The following CDH13 variants were observed in gnomAD, a reference collection of about 807,000 sequenced individuals.
CDH13 encodes cadherin 13.
In CDH13, 24 loss-of-function variants were observed where a neutral mutation model predicts 63.8. The observed-to-expected ratio is 0.38, with a 90% CI of 0.27 to 0.53. The LOEUF (loss-of-function observed/expected upper bound fraction) is 0.53. CDH13 is among the 20% of genes least tolerant of loss of function. CDH13 has a pLI of 0.85. For missense variants in CDH13, 1,049 were observed against 903.1 expected (o/e 1.16, Z -2.07); for synonymous variants, 503 against 355.3 (o/e 1.42, Z -4.67).
intron 6 of CDH13, among the ~76,000 whole-genome samples, chr16:83,444,694 G>A (rs1355598984): frequency 1.3e-5 from 2 of 152,152 alleles, no homozygotes; most frequent in South Asian, 2.1e-4. Flanking sequence ...GGAGTATAAT[G>A]TTTTGGGTAG....
At chr16:83,258,013 T>A (rs1474008511) in intron 5 of CDH13, among the ~76,000 whole-genome samples, 4 of 152,360 alleles carry the variant, frequency 2.6e-5, no homozygotes, top group Non-Finnish European at 4.4e-5. Context: ...ATTTCTCTAA[T>A]GACACTGATC....
chr16:82,812,637 G>C (rs545150204), intron 1 of CDH13, among the ~76,000 whole-genome samples: 5 of 152,286 alleles, frequency 3.3e-5, no homozygotes, highest in African/African-American at 7.2e-5. Context: ...GGCTGTGTTG[G>C]TGGAGGAAAC....
At chr16:82,873,395 T>A (rs546566788) in intron 2 of CDH13, among the ~76,000 whole-genome samples, 1 of 152,308 alleles carries the variant, frequency 6.6e-6, no homozygotes, top group African/African-American at 2.4e-5. Flanking sequence ...CCAAACCCCA[T>A]TATCTTTCCA....
intron 3 of CDH13, among the ~76,000 whole-genome samples, chr16:83,068,391 ACT>A (rs2032181682): frequency 6.6e-6 from 1 of 152,020 alleles, no homozygotes; most frequent in African/African-American, 2.4e-5. Flanking sequence ...ACTTCCCAAG[ACT>A]CTGTAACTTT....
rs141606351 is a variant in CDH13 at position 83,281,079 on chromosome 16, T to TG, written c.636+63583dup. The stretch of plus-strand genomic sequence containing the variant: ...TCTTTGAAGTTTTGAAGCCAGGCAT[T>TG]GACTTAATCTCTAGCTATGAAAGTC... On this transcript the variant is annotated intron_variant, in intron 5 of 13. Transcript: ENST00000567109. 5.0e-3 allele frequency among the ~76,000 whole-genome samples: 769 copies of TG among 152,330 alleles called. 9 individuals are homozygous for TG. Among genetic ancestry groups the TG allele is most frequent in the African/African-American group, 0.018 (729 of 41,586 alleles).
intron 7 of CDH13, among the ~76,000 whole-genome samples, chr16:83,572,668 G>A (rs766167345): frequency 3.3e-5 from 5 of 152,102 alleles, no homozygotes; most frequent in African/African-American, 4.8e-5. Context: ...GGCCACTTCC[G>A]GGACATGGGC....
In CDH13 at chr16:83,500,432, TC is replaced by T. The variant is rs762628415; in HGVS notation, c.960+13782del. Among the ~76,000 whole-genome samples the T allele has an allele frequency of 1.1e-3, 10 of 9,318 alleles. 1 individual carries two copies. Among genetic ancestry groups the T allele is most frequent in the African/African-American group, 2.5e-3 (5 of 2,026 alleles). 6.1% of individuals were successfully genotyped at this position (9,318 alleles called of 152,430 possible). ...CCTCCTCTTCTCCTCCCCCTCCTCCTCCCCCTCCTTCTCCCCCTCCTCCGCC... is the reference window on the plus strand; with the variant it reads ...CCTCCTCTTCTCCTCCCCCTCCTCCTCCCCTCCTTCTCCCCCTCCTCCGCC... On this transcript the variant is annotated intron_variant, in intron 7 of 13. Coordinates refer to ENST00000567109, the MANE Select transcript of CDH13 (RefSeq NM_001257.5).
At chr16:83,343,216 ATTTTGCT>A (rs528822661) in intron 5 of CDH13, among the ~76,000 whole-genome samples, 90 of 152,212 alleles carry the variant, frequency 5.9e-4, no homozygotes, top group South Asian at 3.9e-3. Context: ...ACCTGGTTTC[ATTTTGCT>A]CACTGCCTTC....
At chr16:83,606,318 G>A (rs1404449623) in intron 8 of CDH13, among the ~76,000 whole-genome samples, 5 of 152,092 alleles carry the variant, frequency 3.3e-5, no homozygotes, top group South Asian at 2.1e-4. Flanking sequence ...TTCCCTCTCC[G>A]GAGAGATGTA....
intron 2 of CDH13, 44 bp from the exon 3 acceptor site, chr16:83,031,966 C>A (rs1567762838): frequency 1.4e-6 from 2 of 1,469,564 alleles, no homozygotes; most frequent in Non-Finnish European, 1.9e-6. Flanking sequence ...AGATAAGCTG[C>A]CCAACCTACT....
rs76151483 is a variant in CDH13, at chr16:83,510,115, G to A, written c.960+23460G>A. ...AATGGATGGCTGAAACGAGTCTGAC[G>A]GCTTTTTCTCCTGGGGCCATTTTGT... On this transcript the variant is annotated intron_variant, in intron 7 of 13. Coordinates refer to ENST00000567109, the MANE Select transcript of CDH13 (RefSeq NM_001257.5). Among the ~76,000 whole-genome samples, 639 of 152,202 alleles carry A rather than the reference G, an allele frequency of 4.2e-3. 4 individuals carry two copies. Among genetic ancestry groups the A allele is most frequent in the African/African-American group, 0.015 (615 of 41,514 alleles).
At chr16:83,189,081 A>G (rs1228367615) in intron 4 of CDH13, among the ~76,000 whole-genome samples, 2 of 152,234 alleles carry the variant, frequency 1.3e-5, no homozygotes, top group Non-Finnish European at 2.9e-5. Context: ...ATCTTTAGAA[A>G]GGAACTCGAT....
chr16:83,624,504 G>A (rs1005562935), intron 8 of CDH13, among the ~76,000 whole-genome samples: 2 of 152,184 alleles, frequency 1.3e-5, no homozygotes, highest in African/African-American at 2.4e-5. Context: ...CTTAAGAAAC[G>A]TGCAGCCTGG....
rs562336327 is a variant in CDH13 at position 82,672,954 on chromosome 16, G to A, written c.45+45817G>A. ...CTCAGCCTCCTGAGCAGCTGGGACC[G>A]CAGGATTGCGTGCCACCATGTATGG... On this transcript the variant is annotated intron_variant, in intron 1 of 13. Coordinates refer to ENST00000567109, the MANE Select transcript of CDH13 (RefSeq NM_001257.5). 2.7e-3 allele frequency among the ~76,000 whole-genome samples: 395 copies of A among 148,370 alleles called. 2 individuals are homozygous for A. The highest frequency in any genetic ancestry group is 9.5e-3 in the African/African-American group (379 of 39,898).
At chr16:82,852,128 G>A (rs1238964724) in intron 1 of CDH13, among the ~76,000 whole-genome samples, 2 of 152,202 alleles carry the variant, frequency 1.3e-5, no homozygotes, top group African/African-American at 2.4e-5. Flanking sequence ...TTAATTATTT[G>A]TGGCAGGAAG....
intron 10 of CDH13, among the ~76,000 whole-genome samples, chr16:83,712,304 G>A: frequency 6.6e-6 from 1 of 152,120 alleles, no homozygotes; most frequent in Middle Eastern, 3.2e-3. Context: ...GAGCACTGGG[G>A]GCTCTTGCGA....
intron 1 of CDH13, among the ~76,000 whole-genome samples, chr16:82,785,162 T>C (rs1282262956): frequency 1.3e-5 from 2 of 152,012 alleles, no homozygotes; most frequent in African/African-American, 4.8e-5. Flanking sequence ...GGCTGGCAGT[T>C]GAAACGGAGA....
intron 3 of CDH13, among the ~76,000 whole-genome samples, chr16:83,037,991 C>T (rs975616727): frequency 2.6e-5 from 4 of 151,994 alleles, no homozygotes; most frequent in Non-Finnish European, 5.9e-5. Flanking sequence ...TTCACTGAGG[C>T]CCTGAGACAG....
chr16:83,351,755 G>A (rs535786913), intron 6 of CDH13, among the ~76,000 whole-genome samples: 15 of 152,186 alleles, frequency 9.9e-5, no homozygotes, highest in East Asian at 1.9e-4. Flanking sequence ...ATGGGATGGC[G>A]GATATGCCCT....
Sources: allele counts gnomAD v4.1 joint callset (sites outside exome capture counted in the v4.1 genomes callset), GRCh38; gene constraint gnomAD v4.1.1; transcripts MANE v1.5; gene names NCBI Gene and HGNC (gene_info 2026-07-23, HGNC 2026-07-21).